Variants in MTDH observed in about 807,000 individuals in gnomAD.
MTDH encodes metadherin.
A neutral mutation model predicts 72.7 loss-of-function variants in MTDH; 34 were observed. The observed-to-expected ratio is 0.47, with a 90% CI of 0.36 to 0.62. The LOEUF is 0.62. MTDH is among the 20% of genes least tolerant of loss of function. The pLI is 0.00. For synonymous variants in MTDH, 266 were observed against 268.9 expected, an observed-to-expected ratio of 0.99 and a Z score of 0.10; for missense variants, 677 against 699.4, an observed-to-expected ratio of 0.97 and a Z score of 0.36.
chr8:97,694,200 CTTT>C (rs1265111285), intron 6 of MTDH, among the ~76,000 whole-genome samples: 1 of 142,920 alleles, frequency 7.0e-6, no homozygotes, highest in African/African-American at 2.6e-5. Flanking sequence ...TTTTCTGGAA[CTTT>C]TTTTTTTTTT....
intron 2 of MTDH, among the ~76,000 whole-genome samples, chr8:97,678,890 A>T (rs1392757875): frequency 3.3e-5 from 5 of 152,196 alleles, no homozygotes; most frequent in Non-Finnish European, 7.3e-5. Context: ...AAGATGTCAG[A>T]AAATAGCCAA....
chr8:97,691,844 G>T (rs887124008), intron 6 of MTDH, among the ~76,000 whole-genome samples: 1 of 151,684 alleles, frequency 6.6e-6, no homozygotes, highest in African/African-American at 2.4e-5. Context: ...TCTCCTGCCC[G>T]CAACTGTATA....
chr8:97,724,021 A>C (rs1586292119), intron 11 of MTDH, among the ~76,000 whole-genome samples: 1 of 152,136 alleles, frequency 6.6e-6, no homozygotes, highest in Non-Finnish European at 1.5e-5. Context: ...AGGCAGGAGA[A>C]TCGCTTGAAC....
At chr8:97,699,528 A>G (rs1432410793) in intron 6 of MTDH, among the ~76,000 whole-genome samples, 1 of 152,186 alleles carries the variant, frequency 6.6e-6, no homozygotes, top group Non-Finnish European at 1.5e-5. Context: ...TAGGGAAAAC[A>G]TAGATTTCTG....
Position 97,690,684 on chromosome 8 carries a change from T to C in MTDH, c.812-268T>C, listed in dbSNP as rs1026920728. On this transcript the variant is annotated intron_variant, in intron 5 of 11. Transcript: ENST00000336273. Reference sequence around the variant, plus strand: ...TAACTAAGGAAATGTCTTCATATTCTTAGTGGGTGAGTATTCAGAATATGT... The same window carrying C: ...TAACTAAGGAAATGTCTTCATATTCCTAGTGGGTGAGTATTCAGAATATGT... Among the ~76,000 whole-genome samples the C allele has an allele frequency of 6.6e-5, 10 of 152,324 alleles. No individual in the cohort carries two copies. The East Asian group carries it at 1.7e-3, about 26-fold the overall frequency.
intron 4 of MTDH, 65 bp from the exon 5 acceptor site, chr8:97,688,973 C>A: frequency 1.4e-6 from 1 of 717,838 alleles, no homozygotes; most frequent in Non-Finnish European, 2.2e-6. Flanking sequence ...TTATGTGTTA[C>A]TCCTAATTTA....
At chr8:97,666,250 A>G (rs1295458760) in intron 2 of MTDH, among the ~76,000 whole-genome samples, 1 of 152,258 alleles carries the variant, frequency 6.6e-6, no homozygotes, top group Non-Finnish European at 1.5e-5. Context: ...GAAGTCAGCG[A>G]TATCCACTAA....
Position 97,689,027 on chromosome 8 carries a change from A to G in MTDH, c.746-11A>G, listed in dbSNP as rs373028574. 1.3e-5 allele frequency: 19 copies of G among 1,476,962 alleles called. No individual in the cohort carries two copies. The highest frequency in any genetic ancestry group is 1.0e-4 in the South Asian group (8 of 79,646). 91.5% of individuals were successfully genotyped at this position (1,476,962 alleles called of 1,614,324 possible). On this transcript the variant is annotated splice_polypyrimidine_tract_variant and intron_variant, in intron 4 of 11. Transcript: ENST00000336273. ...TTAGTATTAAATAAATTTTATTTCT[A>G]TTTTAACCAGGTGATTCTCATCTAA...
intron 2 of MTDH, among the ~76,000 whole-genome samples, chr8:97,681,781 C>T (rs1157441936): frequency 6.6e-6 from 1 of 151,998 alleles, no homozygotes; most frequent in African/African-American, 2.4e-5. Flanking sequence ...CATGAGCCAC[C>T]GTGCCCAGCC....
rs2130999503 is a variant in MTDH at position 97,686,759 on chromosome 8, G to T, written c.568+7G>T. On this transcript the variant is annotated splice_region_variant and intron_variant, in intron 3 of 11. Transcript: ENST00000336273. Reference sequence around the variant, plus strand: ...GGAAAGGAAGTTGATGAAGGTACTTGAGCAAGGGAAAGGACTGTAGAAAAT... The same window carrying T: ...GGAAAGGAAGTTGATGAAGGTACTTTAGCAAGGGAAAGGACTGTAGAAAAT... The T allele has an allele frequency of 2.5e-6, 4 of 1,588,072 alleles. No individual in the cohort carries two copies. In the South Asian group the frequency reaches 3.5e-5, roughly 14 times the overall value.
chr8:97,649,880 A>G (rs1250822944), intron 1 of MTDH, among the ~76,000 whole-genome samples: 1 of 152,210 alleles, frequency 6.6e-6, no homozygotes, highest in East Asian at 1.9e-4. Flanking sequence ...CTGGGATTAC[A>G]GGCATGAGCC....
intron 1 of MTDH, among the ~76,000 whole-genome samples, chr8:97,655,745 A>G (rs1811948284): frequency 1.3e-5 from 2 of 152,196 alleles, no homozygotes; most frequent in South Asian, 4.1e-4. Flanking sequence ...TGAGCCCAGG[A>G]GTTCAAGACC....
chr8:97,718,929 C>T (rs1814989463), intron 9 of MTDH, 120 bp from the exon 10 acceptor site: 1 of 877,130 alleles, frequency 1.1e-6, no homozygotes, highest in Non-Finnish European at 1.7e-6. Flanking sequence ...TTCCTGAGCT[C>T]AAGCAATTCA....
At chr8:97,718,474 TAAGTG>T (rs1814966501) in intron 9 of MTDH, among the ~76,000 whole-genome samples, 2 of 152,220 alleles carry the variant, frequency 1.3e-5, no homozygotes, top group South Asian at 2.1e-4. Context: ...TTGAAGTTGT[TAAGTG>T]AAGTGTTTTT....
intron 8 of MTDH, among the ~76,000 whole-genome samples, chr8:97,711,631 C>T (rs1055390134): frequency 3.0e-4 from 46 of 152,214 alleles, no homozygotes; most frequent in Non-Finnish European, 7.3e-5. Flanking sequence ...CCCACCTCCA[C>T]TTATACACGG....
rs1815457598 is a variant in MTDH, at chr8:97,728,954, C to G, written c.*4284C>G. 6.6e-6 allele frequency among the ~76,000 whole-genome samples: 1 copy of G among 150,852 alleles called. No individual in the cohort carries two copies. ...TGAGATAGGGTCTCACTCTGTTGCC[C>G]AGGCTGGAGTGCAGTGGCACACTTC... On this transcript the variant is annotated 3_prime_UTR_variant, in exon 12 of 12. Coordinates refer to ENST00000336273, the MANE Select transcript of MTDH (RefSeq NM_178812.4).
intron 6 of MTDH, among the ~76,000 whole-genome samples, chr8:97,691,703 T>G (rs918802088): frequency 2.7e-5 from 4 of 149,728 alleles, no homozygotes; most frequent in South Asian, 2.1e-4. Flanking sequence ...GTGTGTGTGT[T>G]TGTGTGTGTG....
At chr8:97,677,020 A>AAAAAAAAAAAAAAC (rs1361721374) in intron 2 of MTDH, among the ~76,000 whole-genome samples, 3 of 142,198 alleles carry the variant, frequency 2.1e-5, no homozygotes, top group Non-Finnish European at 3.1e-5. Flanking sequence ...AAAAAAAAAA[A>AAAAAAAAAAAAAAC]AAAAATACAA....
chr8:97,657,285 T>G (rs1362215050), intron 1 of MTDH, among the ~76,000 whole-genome samples: 2 of 152,246 alleles, frequency 1.3e-5, no homozygotes, highest in African/African-American at 4.8e-5. Flanking sequence ...TGGTTGATTT[T>G]CAACAAATTT....
Sources: allele counts gnomAD v4.1 joint callset (sites outside exome capture counted in the v4.1 genomes callset), GRCh38; gene constraint gnomAD v4.1.1; transcripts MANE v1.5; gene names NCBI Gene and HGNC (gene_info 2026-07-23, HGNC 2026-07-21).